MRPL13: variants seen among roughly 807,000 people sequenced by gnomAD.
MRPL13 encodes mitochondrial ribosomal protein L13, also known as large ribosomal subunit protein uL13m.
MRPL13 carries 33 observed loss-of-function variants against 29.0 expected under a neutral mutation model. The observed-to-expected ratio is 1.14, with a 90% confidence interval of 0.86 to 1.52. MRPL13 has a LOEUF of 1.52. MRPL13 is among the 40% of genes most tolerant of loss of function. The probability of loss-of-function intolerance (pLI) is 0.00; values close to 1 mark genes in which losing one functional copy is unlikely to be tolerated. For missense variants in MRPL13, 227 were observed against 216.7 expected, an observed-to-expected ratio of 1.05 and a Z score of -0.30; for synonymous variants, 77 against 68.4, an observed-to-expected ratio of 1.13 and a Z score of -0.62.
Position 120,406,156 on chromosome 8 carries a change from A to AT in MRPL13, c.515+7834dup, listed in dbSNP as rs555658562. On this transcript the variant is annotated intron_variant, in intron 6 of 6. Coordinates refer to ENST00000306185, the MANE Select transcript of MRPL13 (RefSeq NM_014078.6). ...CATTTCTGAAAGCTAACACCTGTCA[A>AT]TTTTTTTCATATAAATTATACAAAT... 4.3e-4 allele frequency among the ~76,000 whole-genome samples: 66 copies of AT among 152,262 alleles called. 1 individual carries two copies. Among genetic ancestry groups the AT allele is most frequent in the Admixed American group, 3.9e-4 (6 of 15,288 alleles).
Position 120,413,873 on chromosome 8 carries a change from C to T in MRPL13, c.515+118G>A, listed in dbSNP as rs992940159. ...TTTGTAGGTAGTAGCTGCTGAGTTC[C>T]CAGGGGAGCAAAAAAATGAGTTCAC... is the stretch of plus-strand genomic sequence containing the variant. On this transcript the variant is annotated intron_variant, in intron 6 of 6. Coordinates refer to ENST00000306185, the MANE Select transcript of MRPL13 (RefSeq NM_014078.6). 172 of 1,284,904 alleles carry T rather than the reference C, an allele frequency of 1.3e-4. 1 individual carries two copies. The highest frequency in any genetic ancestry group is 1.2e-3 in the South Asian group (47 of 39,144). 79.6% of individuals were successfully genotyped at this position (1,284,904 alleles called of 1,614,324 possible). A position where few individuals can be genotyped will look rare whatever the true frequency, so the allele number is the denominator to read the frequency against.
At chr8:120,415,366 G>T (rs1038403328) in intron 5 of MRPL13, 1 of 152,088 alleles carries the variant, frequency 6.6e-6, no homozygotes, top group African/African-American at 2.4e-5. Context: ...TCTGCAGAGC[G>T]CACTATTACA....
intron 6 of MRPL13, among the ~76,000 whole-genome samples, chr8:120,406,244 T>C (rs1812666441): frequency 1.3e-5 from 2 of 152,196 alleles, no homozygotes; most frequent in African/African-American, 4.8e-5. Flanking sequence ...TCTTTAGACA[T>C]GTAATACAAA....
At chr8:120,430,674 A>G (rs1009033497) in intron 3 of MRPL13, among the ~76,000 whole-genome samples, 4 of 152,152 alleles carry the variant, frequency 2.6e-5, no homozygotes, top group African/African-American at 9.7e-5. Flanking sequence ...TGAAATAGCA[A>G]TATGTTGTCT....
At chr8:120,440,302 A>AG (rs1813102926) in intron 2 of MRPL13, among the ~76,000 whole-genome samples, 1 of 152,218 alleles carries the variant, frequency 6.6e-6, no homozygotes, top group Admixed American at 6.5e-5. Flanking sequence ...ATCTAGGCAG[A>AG]GGGAACAGTG....
intron 6 of MRPL13, 22 bp downstream of exon 6, chr8:120,413,969 C>G (rs1563772766): frequency 2.0e-6 from 3 of 1,504,008 alleles, no homozygotes; most frequent in South Asian, 1.4e-5. Context: ...GAAAAAAAAA[C>G]AAGAAGAAGG....
chr8:120,428,121 A>T (rs145563212), intron 3 of MRPL13, among the ~76,000 whole-genome samples: 1 of 86,304 alleles, frequency 1.2e-5, no homozygotes, highest in South Asian at 5.5e-4. Context: ...ACAGCATGGT[A>T]CTGATAAAAA....
At chr8:120,412,127 AAG>A (rs1407257072) in intron 6 of MRPL13, among the ~76,000 whole-genome samples, 1 of 152,182 alleles carries the variant, frequency 6.6e-6, no homozygotes, top group African/African-American at 2.4e-5. Flanking sequence ...TTTTAAAAAA[AAG>A]AGTACCACAC....
intron 2 of MRPL13, 91 bp downstream of exon 2, chr8:120,443,094 G>A (rs893409878): frequency 3.4e-6 from 4 of 1,190,118 alleles, no homozygotes; most frequent in Non-Finnish European, 4.4e-6. Flanking sequence ...AATAAAAAGG[G>A]CCCTTAAACT....
At chr8:120,406,908 C>T (rs755892997) in intron 6 of MRPL13, among the ~76,000 whole-genome samples, 1 of 152,098 alleles carries the variant, frequency 6.6e-6, no homozygotes, top group Non-Finnish European at 1.5e-5. Context: ...AAGTAACTTT[C>T]GAAAATAGTA....
At chr8:120,400,734 A>C (rs1773853624) in intron 6 of MRPL13, among the ~76,000 whole-genome samples, 1 of 138,794 alleles carries the variant, frequency 7.2e-6, no homozygotes, top group South Asian at 2.2e-4. Flanking sequence ...ATAAATAAAT[A>C]AATAAATAAA....
chr8:120,430,948 A>G (rs1420195302), intron 3 of MRPL13, among the ~76,000 whole-genome samples: 1 of 152,168 alleles, frequency 6.6e-6, no homozygotes, highest in Non-Finnish European at 1.5e-5. Flanking sequence ...CTGATTTTTA[A>G]TATTTCTTTC....
chr8:120,416,235 C>G (rs1463684940), intron 5 of MRPL13, among the ~76,000 whole-genome samples: 4 of 152,320 alleles, frequency 2.6e-5, no homozygotes, highest in East Asian at 1.9e-4. Context: ...TGGCTCACGT[C>G]TGTAATCCCA....
At chr8:120,435,427 T>C (rs1813042817) in intron 2 of MRPL13, among the ~76,000 whole-genome samples, 1 of 152,154 alleles carries the variant, frequency 6.6e-6, no homozygotes, top group African/African-American at 2.4e-5. Flanking sequence ...TACCCAATGT[T>C]TAACTCCCAC....
At chr8:120,425,174 G>A (rs1310306910) in intron 4 of MRPL13, 132 bp downstream of exon 4, 22 of 600,522 alleles carry the variant, frequency 3.7e-5, no homozygotes, top group Admixed American at 1.9e-4. Context: ...CAAAACGTGT[G>A]TGATACAGCT....
intron 2 of MRPL13, among the ~76,000 whole-genome samples, chr8:120,437,459 T>C (rs543750580): frequency 3.4e-4 from 52 of 152,330 alleles, no homozygotes; most frequent in Non-Finnish European, 6.6e-4. Context: ...AATACTCCTA[T>C]AGTCCTCCTC....
intron 6 of MRPL13, among the ~76,000 whole-genome samples, chr8:120,399,811 A>T (rs984257292): frequency 1.3e-5 from 2 of 152,158 alleles, no homozygotes; most frequent in Non-Finnish European, 2.9e-5. Context: ...TACCAAGCAA[A>T]TGGAAAACAG....
In MRPL13 at chr8:120,396,077, C is replaced by G; in HGVS notation, c.*27G>C. 1 of 1,571,352 alleles carries G rather than the reference C, an allele frequency of 6.4e-7. No individual in the cohort carries two copies. Among genetic ancestry groups the G allele is most frequent in the Non-Finnish European group, 8.7e-7 (1 of 1,151,144 alleles). On this transcript the variant is annotated 3_prime_UTR_variant, in exon 7 of 7. Coordinates refer to ENST00000306185, the MANE Select transcript of MRPL13 (RefSeq NM_014078.6). Reference sequence around the variant, plus strand: ...TCAGAAGAAAGTTTCAATCACTTCACTGTTATTTTCTGCAATTCTTATTCT... The same window carrying G: ...TCAGAAGAAAGTTTCAATCACTTCAGTGTTATTTTCTGCAATTCTTATTCT...
chr8:120,400,643 G>C (rs1353349516), intron 6 of MRPL13, among the ~76,000 whole-genome samples: 1 of 150,654 alleles, frequency 6.6e-6, no homozygotes, highest in Non-Finnish European at 1.5e-5. Flanking sequence ...AGGAGACAGA[G>C]ACAAGAAAAA....
Sources: allele counts gnomAD v4.1 joint callset (sites outside exome capture counted in the v4.1 genomes callset), GRCh38; gene constraint gnomAD v4.1.1; transcripts MANE v1.5; gene names NCBI Gene and HGNC (gene_info 2026-07-23, HGNC 2026-07-21).